The following EPB41L4A variants were observed in gnomAD, a reference collection of about 807,000 sequenced individuals.
EPB41L4A encodes the protein band 4.1-like protein 4A.
A neutral mutation model predicts 108.6 loss-of-function variants in EPB41L4A; 100 were observed. The ratio of observed to expected loss-of-function variants is 0.92; its 90% confidence interval spans 0.78 to 1.09. EPB41L4A has a LOEUF of 1.09. EPB41L4A is among the 50% of genes least tolerant of loss of function. The pLI is 0.00. For synonymous variants in EPB41L4A, 319 were observed against 289.0 expected, an observed-to-expected ratio of 1.10 and a Z score of -1.05; for missense variants, 1,030 against 842.7, an observed-to-expected ratio of 1.22 and a Z score of -2.75.
At chr5:112,146,260 C>T (rs766560698) in intron 12 of EPB41L4A, among the ~76,000 whole-genome samples, 1 of 152,220 alleles carries the variant, frequency 6.6e-6, no homozygotes, top group Non-Finnish European at 1.5e-5. Flanking sequence ...TTCATATTCT[C>T]AATTTCAAGT....
At chr5:112,179,001 A>G (rs982954349) in intron 18 of EPB41L4A, among the ~76,000 whole-genome samples, 2 of 152,082 alleles carry the variant, frequency 1.3e-5, no homozygotes, top group South Asian at 4.1e-4. Flanking sequence ...AACACAAATC[A>G]CCAACATCAG....
chr5:112,371,960 T>C (rs1278588881), intron 1 of EPB41L4A, among the ~76,000 whole-genome samples: 6 of 152,078 alleles, frequency 3.9e-5, no homozygotes, highest in Middle Eastern at 3.2e-3. Context: ...CAGGCTAAAA[T>C]AGTAGGATGG....
At chr5:112,144,568 C>T (rs770532729) in intron 13 of EPB41L4A, among the ~76,000 whole-genome samples, 4 of 152,212 alleles carry the variant, frequency 2.6e-5, no homozygotes, top group South Asian at 2.1e-4. Flanking sequence ...TGAGCCACCG[C>T]GCCTGGTCTT....
chr5:112,160,427 T>C (rs1443697041), downstream of EPB41L4A: 1 of 152,292 alleles, frequency 6.6e-6, no homozygotes, highest in Non-Finnish European at 1.5e-5. Flanking sequence ...CCACACCTGA[T>C]TCCCAGGCAC....
Position 112,232,876 on chromosome 5 carries a change from A to C in EPB41L4A, c.1087+1758T>G, listed in dbSNP as rs529320552. Reference sequence around the variant, plus strand: ...CACAGGGTGAGGCTCAAACAAGATAATATCTGTGAAAGGACACTGGAGAGT... The same window carrying C: ...CACAGGGTGAGGCTCAAACAAGATACTATCTGTGAAAGGACACTGGAGAGT... On this transcript the variant is annotated intron_variant, in intron 12 of 22. Transcript: ENST00000261486. Among the ~76,000 whole-genome samples the C allele has an allele frequency of 2.6e-5, 4 of 152,296 alleles. No individual in the cohort carries two copies. In the South Asian group the frequency reaches 8.3e-4, roughly 32 times the overall value.
intron 1 of EPB41L4A, among the ~76,000 whole-genome samples, chr5:112,337,093 G>A (rs1756967438): frequency 1.3e-5 from 2 of 152,128 alleles, no homozygotes; most frequent in Admixed American, 1.3e-4. Context: ...AGCCTGTCAC[G>A]TGAAGGTTTT....
intron 20 of EPB41L4A, chr5:112,170,033 G>T (rs1204840642): frequency 5.1e-6 from 2 of 388,980 alleles, no homozygotes; most frequent in East Asian, 1.1e-4. Flanking sequence ...TCTCAGAAAA[G>T]AATTTATTTT....
At chr5:112,201,795 G>C (rs1762233881) in intron 15 of EPB41L4A, among the ~76,000 whole-genome samples, 1 of 152,130 alleles carries the variant, frequency 6.6e-6, no homozygotes, top group African/African-American at 2.4e-5. Context: ...AAGGGCTGAA[G>C]TACAGTTTAT....
intron 1 of EPB41L4A, among the ~76,000 whole-genome samples, chr5:112,321,572 C>G (rs1399357748): frequency 6.6e-6 from 1 of 152,204 alleles, no homozygotes; most frequent in African/African-American, 2.4e-5. Flanking sequence ...ATGGCAGTTG[C>G]TGAGCTATTT....
intron 12 of EPB41L4A, among the ~76,000 whole-genome samples, chr5:112,231,741 C>T (rs1193592437): frequency 4.4e-5 from 6 of 136,290 alleles, no homozygotes; most frequent in Non-Finnish European, 6.2e-5. Flanking sequence ...GCCGAGATTG[C>T]GCCACTGCAG....
At chr5:112,218,295 C>T (rs1747801022) in intron 12 of EPB41L4A, among the ~76,000 whole-genome samples, 1 of 152,188 alleles carries the variant, frequency 6.6e-6, no homozygotes, top group South Asian at 2.1e-4. Flanking sequence ...CCTTCAAGCC[C>T]TCTTGGACCC....
At chr5:112,196,184 TTCC>T (rs950883113) in intron 15 of EPB41L4A, among the ~76,000 whole-genome samples, 1 of 152,156 alleles carries the variant, frequency 6.6e-6, no homozygotes, top group African/African-American at 2.4e-5. Flanking sequence ...CAATCTCCTC[TTCC>T]TCCTGTTTAC....
chr5:112,212,976 A>G (rs1332079595), intron 12 of EPB41L4A, among the ~76,000 whole-genome samples: 2 of 152,246 alleles, frequency 1.3e-5, no homozygotes, highest in Non-Finnish European at 2.9e-5. Context: ...AGAGAAAAAC[A>G]GAATATTTTT....
chr5:112,374,910 C>T (rs997085769), intron 1 of EPB41L4A, among the ~76,000 whole-genome samples: 7 of 152,326 alleles, frequency 4.6e-5, no homozygotes, highest in East Asian at 3.9e-4. Context: ...TGACAGCAAA[C>T]TTCTACGTTT....
intron 2 of EPB41L4A, among the ~76,000 whole-genome samples, chr5:112,303,691 C>A (rs572123413): frequency 7.9e-5 from 12 of 152,220 alleles, no homozygotes; most frequent in African/African-American, 2.4e-4. Flanking sequence ...CTGACAGAGT[C>A]TCTTGGATTT....
At position 112,259,902 on chromosome 5, in the gene EPB41L4A, C is replaced by T. The variant is rs1457497402; in HGVS notation, c.720G>A (p.Gly240=). 1 of 1,613,576 alleles carries T rather than the reference C, an allele frequency of 6.2e-7. No individual in the cohort carries two copies. The highest frequency in any genetic ancestry group is 1.1e-5 in the South Asian group (1 of 91,064). The part of the protein sequence containing the change: ...VVVYKNKKQV[G]KYFWPRITKV... ...CAAGCCATACCTACCAGAAATACTT[C>T]CCCACTTGCTTTTTATTCTTGTACA... The change falls in exon 8 of 23, where the codon GGG becomes GGA. Residue 240 remains glycine (G), a synonymous_variant. Transcript: ENST00000261486.
In EPB41L4A at chr5:112,340,093, C is replaced by T. The variant is rs566624426; in HGVS notation, c.100-32603G>A. On this transcript the variant is annotated intron_variant, in intron 1 of 22. Coordinates refer to ENST00000261486, the MANE Select transcript of EPB41L4A (RefSeq NM_022140.5). The stretch of plus-strand genomic sequence containing the variant: ...GCTCACAGCAGCATGAGAAAAGTCA[C>T]GGAGGAGAGCCCATCGACCCCGCCC... Among the ~76,000 whole-genome samples the T allele has an allele frequency of 1.0e-3, 155 of 152,208 alleles. 1 individual carries two copies. Among genetic ancestry groups the T allele is most frequent in the African/African-American group, 3.5e-3 (147 of 41,520 alleles).
chr5:112,404,906 G>A (rs1349807775), intron 1 of EPB41L4A, among the ~76,000 whole-genome samples: 2 of 152,090 alleles, frequency 1.3e-5, no homozygotes, highest in Non-Finnish European at 2.9e-5. Flanking sequence ...CAGAGACACA[G>A]TCCATCCTCA....
Position 112,164,976 on chromosome 5 carries a change from A to AC in EPB41L4A, c.*13dup. ...CACAACCTTCCCACCCCTACCCTTG[A>AC]CCCTTCATCAGGATCAAGTCTCTGT... On this transcript the variant is annotated 3_prime_UTR_variant, in exon 23 of 23. Coordinates refer to ENST00000261486, the MANE Select transcript of EPB41L4A (RefSeq NM_022140.5). 6.2e-7 allele frequency: 1 copy of AC among 1,608,692 alleles called. No homozygotes were observed. The highest frequency in any genetic ancestry group is 8.5e-7 in the Non-Finnish European group (1 of 1,178,358).
Sources: gnomAD v4.1 joint callset for allele counts (sites outside exome capture counted in the v4.1 genomes callset) on GRCh38, gnomAD v4.1.1 for gene constraint, MANE v1.5 for transcripts, NCBI Gene and HGNC (gene_info 2026-07-23, HGNC 2026-07-21) for gene names.